Variants in ATG5 observed in about 807,000 individuals in gnomAD.
The protein encoded by ATG5 is autophagy protein 5.
Under a neutral mutation model 36.5 loss-of-function variants are expected in ATG5, and 14 were observed. The observed-to-expected ratio is 0.38, with a 90% CI of 0.25 to 0.60. The LOEUF is 0.60. Among genes scored for constraint, ATG5 ranks in the 20% least tolerant of loss-of-function variants. The pLI is 0.60. For missense variants in ATG5, 195 were observed against 326.7 expected, an observed-to-expected ratio of 0.60 and a Z score of 3.11; for synonymous variants, 95 against 101.5, an observed-to-expected ratio of 0.94 and a Z score of 0.38.
At chr6:106,246,270 T>A (rs1324764911) in intron 6 of ATG5, among the ~76,000 whole-genome samples, 1 of 151,978 alleles carries the variant, frequency 6.6e-6, no homozygotes, top group East Asian at 1.9e-4. Context: ...AGAGTCCCCA[T>A]CTGGCAGCCA....
At chr6:106,270,017 A>G (rs1423269669) in intron 5 of ATG5, among the ~76,000 whole-genome samples, 5 of 152,238 alleles carry the variant, frequency 3.3e-5, no homozygotes. Flanking sequence ...TGTTTCACCA[A>G]GTTTTATTAT....
intron 4 of ATG5, among the ~76,000 whole-genome samples, chr6:106,291,524 GAC>G (rs1229834342): frequency 2.0e-5 from 3 of 152,158 alleles, no homozygotes; most frequent in African/African-American, 4.8e-5. Context: ...TCAGGAACCC[GAC>G]ACACAGAAGG....
At chr6:106,269,559 C>T (rs1779365237) in intron 5 of ATG5, among the ~76,000 whole-genome samples, 1 of 152,232 alleles carries the variant, frequency 6.6e-6, no homozygotes, top group Non-Finnish European at 1.5e-5. Flanking sequence ...CGCGGGAAGG[C>T]AGCTAAGGCC....
intron 5 of ATG5, among the ~76,000 whole-genome samples, chr6:106,261,413 G>A (rs1477251973): frequency 2.0e-5 from 3 of 152,194 alleles, no homozygotes; most frequent in African/African-American, 7.2e-5. Context: ...AGTTACACAT[G>A]CAGCCAAATA....
rs1220683182 is a variant in ATG5, at chr6:106,279,722, A to T, written c.417T>A (p.Ser139Arg). Residue 139 changes from serine to arginine, a missense_variant, in exon 5 of 8, where the codon AGT (serine) becomes AGA (arginine). Physicochemically the swap from Ser to Arg is moderately radical, Grantham distance 110. Coordinates refer to ENST00000369076, the MANE Select transcript of ATG5 (RefSeq NM_004849.4). Reference protein sequence around the residue: ...MKEADALKHKSQVINEMQKKD... With the variant: ...MKEADALKHKRQVINEMQKKD... The stretch of plus-strand genomic sequence containing the variant: ...TTTTCTGCATTTCATTGATTACTTG[A>T]CTTTTATGTTTTAAAGCATCAGCTT... The T allele has an allele frequency of 6.2e-7, 1 of 1,608,786 alleles. No homozygotes were observed. Among genetic ancestry groups the T allele is most frequent in the Non-Finnish European group, 8.5e-7 (1 of 1,177,578 alleles).
At chr6:106,239,429 T>C (rs1020564188) in intron 6 of ATG5, among the ~76,000 whole-genome samples, 3 of 152,206 alleles carry the variant, frequency 2.0e-5, no homozygotes, top group African/African-American at 7.2e-5. Flanking sequence ...CGAAATTTAA[T>C]GTATTTCCAT....
At chr6:106,222,090 C>T (rs1462552002) in intron 6 of ATG5, among the ~76,000 whole-genome samples, 5 of 152,070 alleles carry the variant, frequency 3.3e-5, no homozygotes, top group Admixed American at 6.5e-5. Flanking sequence ...CAGGGTTTCA[C>T]CACGTTAAAC....
At chr6:106,234,172 A>G (rs1216097617) in intron 6 of ATG5, among the ~76,000 whole-genome samples, 1 of 152,068 alleles carries the variant, frequency 6.6e-6, no homozygotes, top group Non-Finnish European at 1.5e-5. Context: ...TAACCTCCCA[A>G]CTGACCCGGG....
chr6:106,254,018 T>TA (rs2114531427), intron 5 of ATG5, among the ~76,000 whole-genome samples: 1 of 152,322 alleles, frequency 6.6e-6, no homozygotes. Context: ...TCTCACTGTC[T>TA]ACCTTACTAA....
intron 3 of ATG5, among the ~76,000 whole-genome samples, chr6:106,302,855 A>G (rs1379407419): frequency 6.6e-6 from 1 of 152,076 alleles, no homozygotes; most frequent in Non-Finnish European, 1.5e-5. Flanking sequence ...GAAAACAAAA[A>G]CAGAACATAT....
At chr6:106,214,458 A>G (rs1776966358) in intron 6 of ATG5, among the ~76,000 whole-genome samples, 1 of 152,188 alleles carries the variant, frequency 6.6e-6, no homozygotes. Flanking sequence ...GACAACACTA[A>G]AAAATAATAA....
intron 5 of ATG5, among the ~76,000 whole-genome samples, chr6:106,268,867 G>A (rs568158867): frequency 4.6e-5 from 7 of 151,838 alleles, no homozygotes; most frequent in African/African-American, 1.5e-4. Flanking sequence ...TCACACACAC[G>A]GGGGCCTGTC....
intron 2 of ATG5, among the ~76,000 whole-genome samples, chr6:106,308,923 C>T (rs1177850920): frequency 2.0e-5 from 3 of 152,074 alleles, no homozygotes; most frequent in Non-Finnish European, 4.4e-5. Context: ...CAAATCTTCT[C>T]AACCAGTCCA....
chr6:106,279,606 G>T, intron 5 of ATG5, 55 bp downstream of exon 5: 1 of 1,327,840 alleles, frequency 7.5e-7, no homozygotes, highest in Non-Finnish European at 1.0e-6. Context: ...ACAGGGTTAT[G>T]GCTGTATCAT....
At chr6:106,246,410 A>T (rs1213824602) in intron 6 of ATG5, among the ~76,000 whole-genome samples, 23 of 150,890 alleles carry the variant, frequency 1.5e-4, no homozygotes, top group South Asian at 2.1e-4. Flanking sequence ...ACACACACAC[A>T]CACACACACA....
chr6:106,245,682 A>G (rs949425076), intron 6 of ATG5, among the ~76,000 whole-genome samples: 4 of 152,158 alleles, frequency 2.6e-5, no homozygotes, highest in Admixed American at 2.0e-4. Flanking sequence ...AGTAAAATAA[A>G]TATTTCAGTA....
In ATG5 at chr6:106,184,685, C is replaced by A. The variant is rs1775701204; in HGVS notation, c.*1855G>T. 6.6e-6 allele frequency: 1 copy of A among 152,238 alleles called. No individual in the cohort carries two copies. Among genetic ancestry groups the A allele is most frequent in the Non-Finnish European group, 1.5e-5 (1 of 67,982 alleles). The allele number at this position is 152,238 out of a possible 1,614,324, so 9.4% of individuals were successfully genotyped here. On this transcript the variant is annotated 3_prime_UTR_variant, in exon 8 of 8. Transcript: ENST00000369076. ...ATGGGCAATGTCTTCATAAAATTTA[C>A]TTTCAAATCTAGATCAGAAGTTCAC... is the stretch of plus-strand genomic sequence containing the variant.
At chr6:106,190,415 C>T (rs1775928376) in intron 7 of ATG5, among the ~76,000 whole-genome samples, 1 of 152,170 alleles carries the variant, frequency 6.6e-6, no homozygotes, top group African/African-American at 2.4e-5. Context: ...AAAGCCTCAC[C>T]TCCCAACACT....
intron 5 of ATG5, among the ~76,000 whole-genome samples, chr6:106,269,663 T>C (rs973660626): frequency 2.0e-5 from 3 of 152,216 alleles, no homozygotes; most frequent in African/African-American, 7.2e-5. Context: ...AAGCCCCTCA[T>C]TGCCCGGGGC....
Sources: gnomAD v4.1 joint callset for allele counts (sites outside exome capture counted in the v4.1 genomes callset) on GRCh38, gnomAD v4.1.1 for gene constraint, MANE v1.5 for transcripts, NCBI Gene and HGNC (gene_info 2026-07-23, HGNC 2026-07-21) for gene names.